FZD6: variants seen among roughly 807,000 people sequenced by gnomAD.
FZD6 encodes the protein frizzled class receptor 6, also known as frizzled-6.
In FZD6, 49 loss-of-function variants were observed where a neutral mutation model predicts 61.4. The observed-to-expected ratio is 0.80, with a 90% CI of 0.63 to 1.01. The LOEUF (loss-of-function observed/expected upper bound fraction) is 1.01. Ranked by LOEUF, FZD6 falls within the 50% of genes least tolerant of loss-of-function variation. The pLI, the probability that FZD6 is intolerant of heterozygous loss-of-function variation, is 0.00. For missense variants in FZD6, 724 were observed against 848.2 expected (o/e 0.85, Z 1.82); for synonymous variants, 265 against 292.2 (o/e 0.91, Z 0.95).
intron 3 of FZD6, 25 bp from the exon 4 acceptor site, chr8:103,324,456 T>C (rs1196570397): frequency 7.9e-7 from 1 of 1,259,066 alleles, no homozygotes; most frequent in Admixed American, 2.0e-5. Flanking sequence ...TGATTTCATA[T>C]ATTTAATTTT....
At chr8:103,303,817 A>T (rs999824847) in intron 2 of FZD6, among the ~76,000 whole-genome samples, 1 of 152,174 alleles carries the variant, frequency 6.6e-6, no homozygotes, top group African/African-American at 2.4e-5. Flanking sequence ...ACACATATTC[A>T]TTAGAATTTG....
chr8:103,319,793 A>G (rs1206156535), intron 3 of FZD6, among the ~76,000 whole-genome samples: 2 of 152,216 alleles, frequency 1.3e-5, no homozygotes, highest in Non-Finnish European at 2.9e-5. Context: ...ACATTACCTT[A>G]TGCTATTTCA....
At position 103,329,245 on chromosome 8, in the gene FZD6, T is replaced by C. The variant is rs372128476; in HGVS notation, c.1542-410T>C. Among the ~76,000 whole-genome samples the C allele has an allele frequency of 4.8e-4, 72 of 151,360 alleles. No individual in the cohort carries two copies. The East Asian group carries it at 0.013, about 27-fold the overall frequency. ...AGTGTAACTTGCTAATTTTTAACGT[T>C]AGAAAGAAAAGACTTATATTTAAAT... On this transcript the variant is annotated intron_variant, in intron 5 of 6. Coordinates refer to ENST00000358755, the MANE Select transcript of FZD6 (RefSeq NM_003506.4).
At chr8:103,324,181 A>G (rs756834252) in intron 3 of FZD6, among the ~76,000 whole-genome samples, 2 of 152,224 alleles carry the variant, frequency 1.3e-5, no homozygotes, top group South Asian at 4.1e-4. Context: ...TTTAGTCTTA[A>G]AAACAGAAAT....
Position 103,331,828 on chromosome 8 carries a change from C to CCTG in FZD6, c.*319_*320insCTG. On this transcript the variant is annotated 3_prime_UTR_variant, in exon 7 of 7. Coordinates refer to ENST00000358755, the MANE Select transcript of FZD6 (RefSeq NM_003506.4). ...TAAGAGTATTTTAAGATGTACTATG[C>CCTG]TATTTTACTTTTTTGATATAAAATC... 1.2e-5 allele frequency: 3 copies of CCTG among 242,226 alleles called. No individual in the cohort carries two copies. Among genetic ancestry groups the CCTG allele is most frequent in the Non-Finnish European group, 1.6e-5 (2 of 123,390 alleles). 15.0% of individuals were successfully genotyped at this position (242,226 alleles called of 1,614,324 possible). A position where few individuals can be genotyped will look rare whatever the true frequency, so the allele number is the denominator to read the frequency against.
Position 103,332,827 on chromosome 8 carries a change from G to T in FZD6, c.*1318G>T, listed in dbSNP as rs1215504424. On this transcript the variant is annotated 3_prime_UTR_variant, in exon 7 of 7. Coordinates refer to ENST00000358755, the MANE Select transcript of FZD6 (RefSeq NM_003506.4). ...ACTTTGAATACAAAAACTTTGTTTT[G>T]TGTGATCTTTTCATTAATAAAATTA... The T allele has an allele frequency of 6.6e-6, 1 of 152,554 alleles. No homozygotes were observed. Among genetic ancestry groups the T allele is most frequent in the Non-Finnish European group, 1.5e-5 (1 of 68,020 alleles). 9.5% of individuals were successfully genotyped at this position (152,554 alleles called of 1,614,324 possible).
intron 2 of FZD6, among the ~76,000 whole-genome samples, chr8:103,311,884 T>G (rs555200322): frequency 6.6e-6 from 1 of 152,256 alleles, no homozygotes; most frequent in East Asian, 1.9e-4. Flanking sequence ...TGATGGATAC[T>G]CTGAGACTCA....
At position 103,318,592 on chromosome 8, in the gene FZD6, T is replaced by G; in HGVS notation, c.180T>G (p.His60Gln). 2 of 1,585,282 alleles carry G rather than the reference T, an allele frequency of 1.3e-6. No homozygotes were observed. The highest frequency in any genetic ancestry group is 8.7e-7 in the Non-Finnish European group (1 of 1,153,956). ...CTGTATCTTGATGTCTTTAATAGCA[T>G]TTTCTTCCTCTCGCAAATCTGGAAT... is the stretch of plus-strand genomic sequence containing the variant. Reference protein sequence around the residue: ...DQSIAAVEMEHFLPLANLECS... With the variant: ...DQSIAAVEMEQFLPLANLECS... The change falls in exon 3 of 7, where the codon CAT (histidine) becomes CAG (glutamine). Residue 60 changes from histidine to glutamine, a missense_variant and splice_region_variant. Coordinates refer to ENST00000358755, the MANE Select transcript of FZD6 (RefSeq NM_003506.4).
rs893976907 is a variant in FZD6, at chr8:103,300,019, T to G, written c.-89T>G. On this transcript the variant is annotated 5_prime_UTR_variant, in exon 2 of 7. It adds an upstream start codon to the 5' untranslated region. Coordinates refer to ENST00000358755, the MANE Select transcript of FZD6 (RefSeq NM_003506.4). ...TGAGTAAAATAGTGAAATGAGGAAT[T>G]TGAACATTTTATCTTTGGATGGGGA... 5 of 833,634 alleles carry G rather than the reference T, an allele frequency of 6.0e-6. No homozygotes were observed. Among genetic ancestry groups the G allele is most frequent in the Non-Finnish European group, 1.0e-5 (5 of 483,282 alleles). 51.6% of individuals were successfully genotyped at this position (833,634 alleles called of 1,614,324 possible).
chr8:103,304,492 GT>G (rs1363345923), intron 2 of FZD6, among the ~76,000 whole-genome samples: 1 of 152,166 alleles, frequency 6.6e-6, no homozygotes, highest in Non-Finnish European at 1.5e-5. Context: ...GAGTGTTAAA[GT>G]TCAAGACCCA....
intron 3 of FZD6, among the ~76,000 whole-genome samples, chr8:103,320,156 T>C (rs1814742637): frequency 6.6e-6 from 1 of 152,220 alleles, no homozygotes; most frequent in Admixed American, 6.5e-5. Flanking sequence ...TTTCTGATGG[T>C]TTCTATTTCC....
intron 2 of FZD6, among the ~76,000 whole-genome samples, chr8:103,317,537 T>C (rs1003747035): frequency 6.6e-6 from 1 of 151,994 alleles, no homozygotes; most frequent in African/African-American, 2.4e-5. Flanking sequence ...TGGTCAGATT[T>C]GGAATATACT....
chr8:103,301,757 T>C (rs146814463), intron 2 of FZD6, among the ~76,000 whole-genome samples: 112 of 152,294 alleles, frequency 7.4e-4, no homozygotes, highest in African/African-American at 2.6e-3. Context: ...TCATATCACC[T>C]AGACTCAAGA....
chr8:103,327,832 A>C (rs1327967498), intron 4 of FZD6, among the ~76,000 whole-genome samples: 1 of 152,090 alleles, frequency 6.6e-6, no homozygotes, highest in Admixed American at 6.6e-5. Context: ...ACTTTAACCA[A>C]GTTTTTATAA....
intron 2 of FZD6, among the ~76,000 whole-genome samples, chr8:103,303,936 T>C (rs1025613676): frequency 2.1e-5 from 3 of 145,114 alleles, no homozygotes; most frequent in Non-Finnish European, 3.0e-5. Flanking sequence ...TTTTTTTTTT[T>C]TCAAACATTG....
At chr8:103,310,164 T>G (rs965298478) in intron 2 of FZD6, among the ~76,000 whole-genome samples, 1 of 152,244 alleles carries the variant, frequency 6.6e-6, no homozygotes. Context: ...AGGTCTCTTA[T>G]GTGAATGGGA....
At chr8:103,330,274 G>C (rs985598527) in intron 6 of FZD6, among the ~76,000 whole-genome samples, 2 of 152,120 alleles carry the variant, frequency 1.3e-5, no homozygotes, top group African/African-American at 4.8e-5. Flanking sequence ...GTTCAAGTAG[G>C]AATGTTCATT....
At position 103,324,600 on chromosome 8, in the gene FZD6, T is replaced by G; in HGVS notation, c.494T>G (p.Leu165Arg). The change falls in exon 4 of 7, where the codon CTT (leucine) becomes CGT (arginine). Residue 165 changes from leucine (L) to arginine (R), a missense_variant. By Grantham distance (102) the Leu-to-Arg change is moderately radical (BLOSUM62 -2). Transcript: ENST00000358755. ...RDIGFWCPRH[L>R]KTSGGQGYKF... ...ATTGGATTTTGGTGTCCAAGGCATC[T>G]TAAGACTTCTGGGGGACAAGGATAT... 1 of 1,614,170 alleles carries G rather than the reference T, an allele frequency of 6.2e-7. No homozygotes were observed. The highest frequency in any genetic ancestry group is 8.5e-7 in the Non-Finnish European group (1 of 1,179,986).
At chr8:103,330,196 G>C (rs772218666) in intron 6 of FZD6, 131 bp downstream of exon 6, 1 of 811,084 alleles carries the variant, frequency 1.2e-6, no homozygotes, top group Non-Finnish European at 2.1e-6. Flanking sequence ...AGGAAGTTTG[G>C]GTTCAGCCTA....
Sources: allele counts gnomAD v4.1 joint callset (sites outside exome capture counted in the v4.1 genomes callset), GRCh38; gene constraint gnomAD v4.1.1; transcripts MANE v1.5; gene names NCBI Gene and HGNC (gene_info 2026-07-23, HGNC 2026-07-21).